COL4A1: variants seen among roughly 807,000 people sequenced by gnomAD.
COL4A1 encodes the protein collagen alpha-1(IV) chain.
A neutral mutation model predicts 216.6 loss-of-function variants in COL4A1; 40 were observed. The ratio of observed to expected loss-of-function variants is 0.18; its 90% CI spans 0.14 to 0.24. COL4A1 has a LOEUF of 0.24. Ranked by LOEUF, COL4A1 falls within the 10% of genes least tolerant of loss-of-function variation. The pLI is 1.00. For synonymous variants in COL4A1, 839 were observed against 810.7 expected, an observed-to-expected ratio of 1.03 and a Z score of -0.59; for missense variants, 1,628 against 2,196.8, an observed-to-expected ratio of 0.74 and a Z score of 5.18.
At position 110,198,544 on chromosome 13, in the gene COL4A1, A is replaced by G. The variant is rs1879014910; in HGVS notation, c.1208T>C (p.Leu403Pro). ...KGDRGFPGTS[L>P]PGPSGRDGLP... ...CCCATCTCTTCCACTTGGTCCTGGC[A>G]GAGATGTACCAGGAAATCCTCGGTC... The change falls in exon 21 of 52, where the codon CTG becomes CCG. Residue 403 changes from leucine to proline, a missense_variant. Coordinates refer to ENST00000375820, the MANE Select transcript of COL4A1 (RefSeq NM_001845.6). 1 of 1,614,126 alleles carries G rather than the reference A, an allele frequency of 6.2e-7. No individual in the cohort carries two copies. Among genetic ancestry groups the G allele is most frequent in the Non-Finnish European group, 8.5e-7 (1 of 1,180,032 alleles).
intron 1 of COL4A1, among the ~76,000 whole-genome samples, chr13:110,284,575 A>T (rs778397175): frequency 6.6e-6 from 1 of 152,238 alleles, no homozygotes; most frequent in Non-Finnish European, 1.5e-5. Context: ...TGTGCAAAAC[A>T]CATGGAGAAG....
At position 110,242,712 on chromosome 13, in the gene COL4A1, C is replaced by T. The variant is rs148605920; in HGVS notation, c.107G>A (p.Cys36Tyr). 2.5e-6 allele frequency: 4 copies of T among 1,614,258 alleles called. No homozygotes were observed. Among genetic ancestry groups the T allele is most frequent in the Non-Finnish European group, 3.4e-6 (4 of 1,180,044 alleles). The change falls in exon 2 of 52, where the codon TGT becomes TAT. Residue 36 changes from cysteine (C) to tyrosine (Y), a missense_variant. Physicochemically the swap from Cys to Tyr is radical, Grantham distance 194 (BLOSUM62 -2). Around this residue, in one of 8 missense-constraint regions of COL4A1, gnomAD observed 74 missense variants for 61.7 expected, o/e 1.20. Coordinates refer to ENST00000375820, the MANE Select transcript of COL4A1 (RefSeq NM_001845.6). ...AAKGGCAGSG[C>Y]GKCDCHGVKG... Reference sequence around the variant, plus strand: ...CACTCCATGGCAGTCACATTTGCCACAGCCAGAGCCAGCACAGCCACCCTG... The same window carrying T: ...CACTCCATGGCAGTCACATTTGCCATAGCCAGAGCCAGCACAGCCACCCTG...
intron 43 of COL4A1, among the ~76,000 whole-genome samples, chr13:110,168,266 C>T (rs1384109224): frequency 3.9e-5 from 6 of 152,188 alleles, no homozygotes; most frequent in Non-Finnish European, 5.9e-5. Flanking sequence ...CTGCCCACCT[C>T]GGCCTCCCAA....
At chr13:110,219,048 C>A (rs529264442) in intron 2 of COL4A1, among the ~76,000 whole-genome samples, 4 of 152,242 alleles carry the variant, frequency 2.6e-5, no homozygotes, top group East Asian at 3.9e-4. Context: ...TCCTGAATGC[C>A]GCCGCTGGGA....
chr13:110,250,786 G>A lies in COL4A1; in HGVS notation c.85-8052C>T, dbSNP rs1045385954. ...CGTGCTTGTGAGTCACTGGCCTGAC[G>A]CACTAGCACAGTGGGGCAAGGCCAG... On this transcript the variant is annotated intron_variant, in intron 1 of 51. Coordinates refer to ENST00000375820, the MANE Select transcript of COL4A1 (RefSeq NM_001845.6). Among the ~76,000 whole-genome samples the A allele has an allele frequency of 8.5e-5, 13 of 152,302 alleles. No homozygotes were observed. The East Asian group carries it at 1.2e-3, about 14-fold the overall frequency.
rs1279122262 is a variant in COL4A1 at position 110,215,903 on chromosome 13, C to T, written c.145-1888G>A. 1.1e-4 allele frequency among the ~76,000 whole-genome samples: 17 copies of T among 152,274 alleles called. 3 individuals carry two copies. Among genetic ancestry groups the T allele is most frequent in the Non-Finnish European group, 5.9e-5 (4 of 68,028 alleles). ...TAACTGCCTGCTCCATTTTTACAAA[C>T]GCAGGAAGGACGTTATGAACCTGGG... is the stretch of plus-strand genomic sequence containing the variant. On this transcript the variant is annotated intron_variant, in intron 2 of 51. Coordinates refer to ENST00000375820, the MANE Select transcript of COL4A1 (RefSeq NM_001845.6).
intron 1 of COL4A1, among the ~76,000 whole-genome samples, chr13:110,266,875 T>C (rs779430112): frequency 3.0e-4 from 45 of 152,214 alleles, no homozygotes; most frequent in Non-Finnish European, 5.0e-4. Context: ...GTGGAAAGCA[T>C]GCCAGCGTTT....
chr13:110,217,515 T>C (rs1052266841), intron 2 of COL4A1, among the ~76,000 whole-genome samples: 2 of 152,196 alleles, frequency 1.3e-5, no homozygotes, highest in African/African-American at 4.8e-5. Context: ...ACAGACTTCA[T>C]GTCAGGCAAA....
intron 1 of COL4A1, among the ~76,000 whole-genome samples, chr13:110,277,209 A>T (rs1348325809): frequency 6.6e-6 from 1 of 152,200 alleles, no homozygotes; most frequent in Non-Finnish European, 1.5e-5. Flanking sequence ...GCACTCTCTT[A>T]AGCTATTTTT....
At chr13:110,195,477 G>C (rs1878844527) in intron 21 of COL4A1, among the ~76,000 whole-genome samples, 1 of 152,178 alleles carries the variant, frequency 6.6e-6, no homozygotes, top group South Asian at 2.1e-4. Context: ...AAAGGTAAGT[G>C]ATTTGTCCAG....
chr13:110,306,808 C>T (rs914269244), intron 1 of COL4A1, 136 bp downstream of exon 1: 32 of 739,482 alleles, frequency 4.3e-5, no homozygotes, highest in Non-Finnish European at 6.1e-5. Flanking sequence ...CGAACCCCGG[C>T]CCAGAGAATG....
In COL4A1 at chr13:110,211,847, G is replaced by T; in HGVS notation, c.441+22C>A. Reference sequence around the variant, plus strand: ...GTCATAACTAAAAGAAAGAAGTTCTGCCCTAAATAACCTCTACTCACGGGA... The same window carrying T: ...GTCATAACTAAAAGAAAGAAGTTCTTCCCTAAATAACCTCTACTCACGGGA... On this transcript the variant is annotated intron_variant, in intron 7 of 51. Transcript: ENST00000375820. This position sits in a 1 kb window ranked among gnomAD's most constrained non-coding sequence, Gnocchi z 4.3. The T allele has an allele frequency of 6.2e-7, 1 of 1,613,468 alleles. No individual in the cohort carries two copies.
chr13:110,211,617 T>A lies in COL4A1; in HGVS notation c.468+30A>T. The A allele has an allele frequency of 6.2e-7, 1 of 1,606,138 alleles. No individual in the cohort carries two copies. The highest frequency in any genetic ancestry group is 8.5e-7 in the Non-Finnish European group (1 of 1,176,494). On this transcript the variant is annotated intron_variant, in intron 8 of 51. Coordinates refer to ENST00000375820, the MANE Select transcript of COL4A1 (RefSeq NM_001845.6). The surrounding 1 kb of genome is among the most constrained non-coding windows in gnomAD (Gnocchi z 4.3). ...TTGTAAACAGATTCCCTGTAATGAATCCAATAAAGCAAAATAAAATAAAAT... is the reference window on the plus strand; with the variant it reads ...TTGTAAACAGATTCCCTGTAATGAAACCAATAAAGCAAAATAAAATAAAAT...
Position 110,149,985 on chromosome 13 carries a change from T to G in COL4A1, c.*378A>C. 2 of 324,642 alleles carry G rather than the reference T, an allele frequency of 6.2e-6. No homozygotes were observed. Among genetic ancestry groups the G allele is most frequent in the South Asian group, 2.7e-5 (1 of 37,150 alleles). 20.1% of individuals were successfully genotyped at this position (324,642 alleles called of 1,614,324 possible). On this transcript the variant is annotated 3_prime_UTR_variant, in exon 52 of 52. Coordinates refer to ENST00000375820, the MANE Select transcript of COL4A1 (RefSeq NM_001845.6). ...ATAAACAAACATTTATCTCTGGGGG[T>G]AGAAAATTAATTATAATACAAGAAT...
intron 1 of COL4A1, among the ~76,000 whole-genome samples, chr13:110,283,449 G>A (rs1883718338): frequency 6.6e-6 from 1 of 152,194 alleles, no homozygotes; most frequent in African/African-American, 2.4e-5. Context: ...ACTAAGAACA[G>A]CAAGAATACA....
intron 2 of COL4A1, among the ~76,000 whole-genome samples, chr13:110,227,422 AC>A (rs1880788419): frequency 6.9e-6 from 1 of 145,266 alleles, no homozygotes; most frequent in Non-Finnish European, 1.5e-5. Flanking sequence ...ACACACACAC[AC>A]ACAAACACAC....
At position 110,175,319 on chromosome 13, in the gene COL4A1, G is replaced by A. The variant is rs373131870; in HGVS notation, c.3097C>T (p.Pro1033Ser). The A allele has an allele frequency of 2.6e-5, 42 of 1,614,044 alleles. No homozygotes were observed. Among genetic ancestry groups the A allele is most frequent in the Non-Finnish European group, 3.4e-5 (40 of 1,180,042 alleles). Residue 1033 changes from proline (P) to serine (S), a missense_variant, in exon 37 of 52, where the codon CCA (proline) becomes TCA (serine). By Grantham distance (74) the Pro-to-Ser change is moderately conservative. Around this residue, in one of 8 missense-constraint regions of COL4A1, gnomAD observed 58 missense variants for 132.5 expected, o/e 0.44. Coordinates refer to ENST00000375820, the MANE Select transcript of COL4A1 (RefSeq NM_001845.6). ...GEKGVPGIPG[P>S]QGSPGLPGDK... is the part of the protein sequence containing the mutation. ...CCAGGTAAGCCAGGTGAACCTTGTGGGCCAGGGATGCCAGGCACACCTTTC... is the reference window on the plus strand; with the variant it reads ...CCAGGTAAGCCAGGTGAACCTTGTGAGCCAGGGATGCCAGGCACACCTTTC...
At chr13:110,279,541 C>T (rs556940330) in intron 1 of COL4A1, among the ~76,000 whole-genome samples, 4 of 152,136 alleles carry the variant, frequency 2.6e-5, no homozygotes, top group Non-Finnish European at 5.9e-5. Context: ...TCAATCTATT[C>T]TTTTGGGGGG....
intron 1 of COL4A1, among the ~76,000 whole-genome samples, chr13:110,302,067 G>C (rs1384347983): frequency 6.6e-6 from 1 of 152,192 alleles, no homozygotes; most frequent in African/African-American, 2.4e-5. Context: ...ACAAGGCAAA[G>C]AGAGCTGGAA....
Sources: allele counts gnomAD v4.1 joint callset (sites outside exome capture counted in the v4.1 genomes callset), GRCh38; gene constraint gnomAD v4.1.1; regional missense constraint gnomAD v4.1.1; non-coding constraint Gnocchi (gnomAD v3.1); transcripts MANE v1.5; gene names NCBI Gene and HGNC (gene_info 2026-07-23, HGNC 2026-07-21).